Variants in CDKL2 observed in about 807,000 individuals in gnomAD.
The protein encoded by CDKL2 is cyclin dependent kinase like 2, also known as cyclin-dependent kinase-like 2.
A neutral mutation model predicts 63.9 loss-of-function variants in CDKL2; 64 were observed. The observed-to-expected ratio is 1.00, with a 90% CI of 0.82 to 1.23. CDKL2 has a LOEUF of 1.23. Among genes scored for constraint, CDKL2 ranks in the 50% most tolerant of loss-of-function variants. The pLI is 0.00. For synonymous variants in CDKL2, 211 were observed against 229.2 expected, an observed-to-expected ratio of 0.92 and a Z score of 0.72; for missense variants, 656 against 668.0, an observed-to-expected ratio of 0.98 and a Z score of 0.20.
intron 2 of CDKL2, among the ~76,000 whole-genome samples, chr4:75,625,244 T>G (rs1468230402): frequency 6.6e-6 from 1 of 152,150 alleles, no homozygotes; most frequent in Non-Finnish European, 1.5e-5. Context: ...TCTTATATGG[T>G]GTATACTCAG....
In CDKL2 at chr4:75,579,092, G is replaced by A. The variant is rs774940262; in HGVS notation, c.*110C>T. 1 of 152,462 alleles carries A rather than the reference G, an allele frequency of 6.6e-6. No homozygotes were observed. Among genetic ancestry groups the A allele is most frequent in the Non-Finnish European group, 1.5e-5 (1 of 68,032 alleles). The allele number at this position is 152,462 out of a possible 1,614,324, so 9.4% of individuals were successfully genotyped here. On this transcript the variant is annotated 3_prime_UTR_variant, in exon 14 of 14. Transcript: ENST00000307465. ...CTCAGAAAATGCAGGCAGTTCAGAAGGAAATGATCAAAACCATGAATCTCT... is the reference window on the plus strand; with the variant it reads ...CTCAGAAAATGCAGGCAGTTCAGAAAGAAATGATCAAAACCATGAATCTCT...
At chr4:75,586,895 G>C (rs1361424223) in intron 12 of CDKL2, among the ~76,000 whole-genome samples, 2 of 152,094 alleles carry the variant, frequency 1.3e-5, no homozygotes, top group Admixed American at 1.3e-4. Flanking sequence ...AAAACTAAGT[G>C]ACCAAGTGAT....
intron 2 of CDKL2, 41 bp downstream of exon 2, chr4:75,625,780 T>G: frequency 6.8e-7 from 1 of 1,471,898 alleles, no homozygotes; most frequent in East Asian, 2.3e-5. Context: ...AAAAAGAAAC[T>G]TATACTCATA....
intron 10 of CDKL2, chr4:75,595,990 AAG>A: frequency 3.2e-6 from 1 of 308,224 alleles, no homozygotes; most frequent in South Asian, 7.9e-5. Flanking sequence ...GGAAGGAAGG[AAG>A]GAAGGAAGGA....
At chr4:75,592,815 A>G (rs1488826364) in intron 10 of CDKL2, among the ~76,000 whole-genome samples, 4 of 152,236 alleles carry the variant, frequency 2.6e-5, no homozygotes, top group African/African-American at 7.2e-5. Context: ...TTATTAAGAC[A>G]CAGAAAGAAT....
At chr4:75,612,553 C>T (rs1729749275) in intron 3 of CDKL2, among the ~76,000 whole-genome samples, 1 of 152,154 alleles carries the variant, frequency 6.6e-6, no homozygotes, top group Admixed American at 6.6e-5. Context: ...AGCCACCTAA[C>T]TCCAAATATT....
At chr4:75,596,054 G>C (rs1728917871) in intron 10 of CDKL2, 193 bp downstream of exon 10, 1 of 370,388 alleles carries the variant, frequency 2.7e-6, no homozygotes, top group South Asian at 8.7e-5. Context: ...GGAGTTTTTA[G>C]ACTCATAAAA....
At chr4:75,602,174 T>G (rs2148883812) in intron 6 of CDKL2, among the ~76,000 whole-genome samples, 1 of 145,112 alleles carries the variant, frequency 6.9e-6, no homozygotes, top group South Asian at 2.4e-4. Flanking sequence ...TTTTTTTTTG[T>G]TGTTGTTGTT....
chr4:75,611,528 C>A (rs933092503), intron 3 of CDKL2, among the ~76,000 whole-genome samples: 7 of 147,910 alleles, frequency 4.7e-5, no homozygotes, highest in Non-Finnish European at 1.0e-4. Flanking sequence ...ACACTAATAA[C>A]ACTAATGCTC....
At chr4:75,626,377 C>T (rs1172314722) in intron 1 of CDKL2, among the ~76,000 whole-genome samples, 1 of 152,094 alleles carries the variant, frequency 6.6e-6, no homozygotes, top group African/African-American at 2.4e-5. Flanking sequence ...TTAAAAAGCA[C>T]AATTCCAGAC....
At chr4:75,593,161 C>T (rs895328419) in intron 10 of CDKL2, among the ~76,000 whole-genome samples, 1 of 152,074 alleles carries the variant, frequency 6.6e-6, no homozygotes, top group Non-Finnish European at 1.5e-5. Context: ...TTGGATGTTT[C>T]TGCTTACTCT....
intron 3 of CDKL2, among the ~76,000 whole-genome samples, chr4:75,610,878 C>T (rs936104838): frequency 1.3e-5 from 2 of 151,884 alleles, no homozygotes; most frequent in Non-Finnish European, 2.9e-5. Flanking sequence ...CAGCCACTAC[C>T]GTTATTATCT....
chr4:75,624,418 G>A lies in CDKL2; in HGVS notation c.168+1403C>T, dbSNP rs145442348. Among the ~76,000 whole-genome samples the A allele has an allele frequency of 3.4e-3, 524 of 152,022 alleles. 1 individual carries two copies. Among genetic ancestry groups the A allele is most frequent in the Non-Finnish European group, 3.8e-3 (258 of 67,986 alleles). On this transcript the variant is annotated intron_variant, in intron 2 of 13. Transcript: ENST00000307465. ...AATAAAAAAATTAGCCAGGCATAGC[G>A]GCACACACCTGCAATCCCAGCTACT...
chr4:75,624,014 G>C (rs747507669), intron 2 of CDKL2, among the ~76,000 whole-genome samples: 1 of 151,000 alleles, frequency 6.6e-6, no homozygotes, highest in Non-Finnish European at 1.5e-5. Context: ...GGCGCCTATA[G>C]TACCAGCTAC....
intron 10 of CDKL2, among the ~76,000 whole-genome samples, chr4:75,594,232 G>A (rs1182060796): frequency 6.6e-6 from 1 of 152,100 alleles, no homozygotes; most frequent in Non-Finnish European, 1.5e-5. Context: ...CAGATCACCT[G>A]AGGTCAGGAG....
intron 1 of CDKL2, among the ~76,000 whole-genome samples, chr4:75,626,484 G>C (rs973402738): frequency 2.6e-5 from 4 of 152,080 alleles, no homozygotes; most frequent in African/African-American, 7.2e-5. Flanking sequence ...GGCTAACACG[G>C]TGAAACCCCG....
At chr4:75,609,165 T>C (rs1222471103) in intron 3 of CDKL2, among the ~76,000 whole-genome samples, 1 of 152,202 alleles carries the variant, frequency 6.6e-6, no homozygotes, top group East Asian at 1.9e-4. Flanking sequence ...GTTTTAATCA[T>C]TGGACTTTTG....
chr4:75,599,523 T>G (rs1005210565), intron 7 of CDKL2, among the ~76,000 whole-genome samples: 2 of 121,124 alleles, frequency 1.7e-5, no homozygotes, highest in Non-Finnish European at 3.2e-5. Context: ...ATTGCACCAC[T>G]GCACTCCAGC....
rs746503021 is a variant in CDKL2, at chr4:75,577,251, TA to T, written c.*1950del. On this transcript the variant is annotated 3_prime_UTR_variant, in exon 14 of 14. Coordinates refer to ENST00000307465, the MANE Select transcript of CDKL2 (RefSeq NM_001330724.2). ...AAGAGAAACTAAATAACCTTAAACT[TA>T]AAAAAAGGATCATTTTGGTTCAATA... Among the ~76,000 whole-genome samples, 1 of 152,112 alleles carries T rather than the reference TA, an allele frequency of 6.6e-6. No individual in the cohort carries two copies. The highest frequency in any genetic ancestry group is 2.4e-5 in the African/African-American group (1 of 41,516).
Sources: gnomAD v4.1 joint callset for allele counts (sites outside exome capture counted in the v4.1 genomes callset) on GRCh38, gnomAD v4.1.1 for gene constraint, MANE v1.5 for transcripts, NCBI Gene and HGNC (gene_info 2026-07-23, HGNC 2026-07-21) for gene names.